The following ADAMTS3 variants were observed in gnomAD, a reference collection of about 807,000 sequenced individuals.
ADAMTS3 encodes the protein A disintegrin and metalloproteinase with thrombospondin motifs 3.
A neutral mutation model predicts 129.0 loss-of-function variants in ADAMTS3; 73 were observed. That is an observed-to-expected ratio of 0.57 (90% CI 0.47 to 0.69). The LOEUF (loss-of-function observed/expected upper bound fraction) is 0.69. Ranked by LOEUF, ADAMTS3 falls within the 30% of genes least tolerant of loss-of-function variation. The pLI is 0.00. For synonymous variants in ADAMTS3, 477 were observed against 510.8 expected (o/e 0.93, Z 0.89); for missense variants, 1,457 against 1,514.5 (o/e 0.96, Z 0.63).
chr4:72,548,232 T>C (rs964097909), intron 3 of ADAMTS3, among the ~76,000 whole-genome samples: 1 of 152,072 alleles, frequency 6.6e-6, no homozygotes, highest in Non-Finnish European at 1.5e-5. Flanking sequence ...AAAAAAATGC[T>C]AAAATATTTG....
Position 72,312,828 on chromosome 4 carries a change from C to T in ADAMTS3, c.1746-362G>A, listed in dbSNP as rs565681522. 3.3e-5 allele frequency among the ~76,000 whole-genome samples: 5 copies of T among 152,234 alleles called. No individual in the cohort carries two copies. The East Asian group carries it at 5.8e-4, about 18-fold the overall frequency. On this transcript the variant is annotated intron_variant, in intron 12 of 21. Coordinates refer to ENST00000286657, the MANE Select transcript of ADAMTS3 (RefSeq NM_014243.3). Reference sequence around the variant, plus strand: ...AAACTTTGGTCATCGCTCCATGGCTCGGTTCCCTCATATGTAAAATGCAAA... The same window carrying T: ...AAACTTTGGTCATCGCTCCATGGCTTGGTTCCCTCATATGTAAAATGCAAA...
At chr4:72,383,812 A>T (rs1022292385) in intron 4 of ADAMTS3, among the ~76,000 whole-genome samples, 1 of 152,212 alleles carries the variant, frequency 6.6e-6, no homozygotes, top group Non-Finnish European at 1.5e-5. Context: ...GAAACTTTTT[A>T]AATGTGATCC....
chr4:72,297,909 A>G (rs1327266960), intron 18 of ADAMTS3, among the ~76,000 whole-genome samples: 1 of 152,156 alleles, frequency 6.6e-6, no homozygotes, highest in Non-Finnish European at 1.5e-5. Context: ...TAACTCTGGT[A>G]GAAATGCAGA....
At position 72,530,096 on chromosome 4, in the gene ADAMTS3, TTA is replaced by T. The variant is rs1720958920; in HGVS notation, c.504+18380_504+18381del. On this transcript the variant is annotated intron_variant, in intron 3 of 21. Transcript: ENST00000286657. ...ACATATTATATTTATATATAATATG[TTA>T]TATATAACATATTATATATTATGTA... Among the ~76,000 whole-genome samples the T allele has an allele frequency of 4.9e-5, 2 of 40,642 alleles. 1 individual carries two copies. The highest frequency in any genetic ancestry group is 2.2e-4 in the African/African-American group (2 of 9,150). 26.7% of individuals were successfully genotyped at this position (40,642 alleles called of 152,430 possible). A position where few individuals can be genotyped will look rare whatever the true frequency, so the allele number is the denominator to read the frequency against.
In ADAMTS3 at chr4:72,548,873, T is replaced by G. The variant is rs780302482; in HGVS notation, c.109A>C (p.Lys37Gln). Residue 37 changes from lysine (K) to glutamine (Q), a missense_variant, in exon 3 of 22, where the codon AAG becomes CAG. Transcript: ENST00000286657. ...ACCAGCTCATACTCTCTATATCTCT[T>G]TATTGGTAAATCTGTGGGGTGAAAA... ...EEMVQIDLPI[K>Q]RYREYELVTP... 6.2e-6 allele frequency: 10 copies of G among 1,605,886 alleles called. No individual in the cohort carries two copies. In the South Asian group the frequency reaches 1.1e-4, roughly 18 times the overall value.
chr4:72,438,940 C>G (rs1325698878), intron 3 of ADAMTS3, among the ~76,000 whole-genome samples: 1 of 151,676 alleles, frequency 6.6e-6, no homozygotes, highest in South Asian at 2.1e-4. Flanking sequence ...ACAAGGTGAC[C>G]TAACTCACAT....
chr4:72,499,381 G>C (rs998693451), intron 3 of ADAMTS3, among the ~76,000 whole-genome samples: 1 of 152,082 alleles, frequency 6.6e-6, no homozygotes, highest in African/African-American at 2.4e-5. Context: ...AGAAGGAAAA[G>C]CTTATTTCAG....
In ADAMTS3 at chr4:72,352,564, A is replaced by G. The variant is rs955519852; in HGVS notation, c.662-12871T>C. 3.9e-5 allele frequency among the ~76,000 whole-genome samples: 6 copies of G among 151,958 alleles called. No homozygotes were observed. In the East Asian group the frequency reaches 1.2e-3, roughly 29 times the overall value. On this transcript the variant is annotated intron_variant, in intron 4 of 21. Coordinates refer to ENST00000286657, the MANE Select transcript of ADAMTS3 (RefSeq NM_014243.3). ...AACCTAATCTGGCTCCTGCAAACAA[A>G]CGTGAATAAGCTGAATTCCGGTCAT...
chr4:72,487,941 C>A (rs888680295), intron 3 of ADAMTS3, among the ~76,000 whole-genome samples: 1 of 151,734 alleles, frequency 6.6e-6, no homozygotes, highest in African/African-American at 2.4e-5. Context: ...AAAAAATAGC[C>A]CTTTTCTTAT....
intron 3 of ADAMTS3, among the ~76,000 whole-genome samples, chr4:72,541,380 TC>T (rs778950285): frequency 1.3e-5 from 2 of 152,214 alleles, no homozygotes; most frequent in Non-Finnish European, 2.9e-5. Context: ...TTTTACAGGC[TC>T]ATAGGTGGAA....
chr4:72,433,247 T>C (rs1303534715), intron 3 of ADAMTS3, among the ~76,000 whole-genome samples: 1 of 152,074 alleles, frequency 6.6e-6, no homozygotes. Context: ...TCAGTAGTCA[T>C]GGCAAATGTC....
At position 72,529,803 on chromosome 4, in the gene ADAMTS3, T is replaced by A. The variant is rs1379840435; in HGVS notation, c.504+18675A>T. ...ATATATGATATAATTTAATATAATA[T>A]ATATTATATATAATAATACATAATA... On this transcript the variant is annotated intron_variant, in intron 3 of 21. Transcript: ENST00000286657. Among the ~76,000 whole-genome samples the A allele has an allele frequency of 1.1e-4, 10 of 95,118 alleles. No individual in the cohort carries two copies. In the Middle Eastern group the frequency reaches 0.014, roughly 137 times the overall value. 62.4% of individuals were successfully genotyped at this position (95,118 alleles called of 152,430 possible).
chr4:72,315,812 T>C (rs1560469283), intron 11 of ADAMTS3, 46 bp downstream of exon 11: 2 of 1,273,852 alleles, frequency 1.6e-6, no homozygotes, highest in Non-Finnish European at 2.3e-6. Flanking sequence ...AGATGATAAT[T>C]ATGCAACATA....
At chr4:72,536,756 C>T (rs1721194054) in intron 3 of ADAMTS3, among the ~76,000 whole-genome samples, 1 of 152,098 alleles carries the variant, frequency 6.6e-6, no homozygotes, top group Non-Finnish European at 1.5e-5. Flanking sequence ...TTCCTTTGAC[C>T]ATTTTACAAA....
chr4:72,400,381 T>G (rs1721881905), intron 4 of ADAMTS3, among the ~76,000 whole-genome samples: 1 of 135,634 alleles, frequency 7.4e-6, no homozygotes, highest in African/African-American at 2.8e-5. Flanking sequence ...ACGGTGTGTA[T>G]ATATACGTGT....
intron 3 of ADAMTS3, among the ~76,000 whole-genome samples, chr4:72,426,572 T>C (rs551610412): frequency 1.2e-4 from 18 of 152,156 alleles, no homozygotes; most frequent in African/African-American, 4.3e-4. Flanking sequence ...TAAAAGCAAA[T>C]CAAACAACAA....
At position 72,568,742 on chromosome 4, in the gene ADAMTS3, C is replaced by A; in HGVS notation, c.21G>T (p.Trp7Cys). The part of the protein sequence containing the change: MVLLSL[W>C]LIAAALVEVR... ...CCTCTACCAGAGCGGCTGCTATCAA[C>A]CAAAGTGACAGGAGAACCATCACGA... is the stretch of plus-strand genomic sequence containing the variant. The change falls in exon 1 of 22, where the codon TGG becomes TGT. Residue 7 changes from tryptophan (W) to cysteine (C), a missense_variant. Transcript: ENST00000286657. 6.2e-7 allele frequency: 1 copy of A among 1,613,806 alleles called. No individual in the cohort carries two copies. The highest frequency in any genetic ancestry group is 2.2e-5 in the East Asian group (1 of 44,838).
intron 5 of ADAMTS3, among the ~76,000 whole-genome samples, chr4:72,324,637 C>T (rs570474845): frequency 2.0e-5 from 3 of 152,090 alleles, no homozygotes; most frequent in East Asian, 1.9e-4. Flanking sequence ...AATACCTGTA[C>T]GAGATAAGCC....
chr4:72,366,495 T>C (rs1720871946), intron 4 of ADAMTS3, among the ~76,000 whole-genome samples: 1 of 152,174 alleles, frequency 6.6e-6, no homozygotes, highest in African/African-American at 2.4e-5. Flanking sequence ...TGAATGGAGA[T>C]GTGATTATTT....
Sources: gnomAD v4.1 joint callset for allele counts (sites outside exome capture counted in the v4.1 genomes callset) on GRCh38, gnomAD v4.1.1 for gene constraint, MANE v1.5 for transcripts, NCBI Gene and HGNC (gene_info 2026-07-23, HGNC 2026-07-21) for gene names.